SV2C: variants seen among roughly 807,000 people sequenced by gnomAD.
The protein encoded by SV2C is synaptic vesicle glycoprotein 2C.
A neutral mutation model predicts 79.7 loss-of-function variants in SV2C; 49 were observed. The observed-to-expected ratio is 0.61, with a 90% confidence interval of 0.49 to 0.78. The LOEUF (loss-of-function observed/expected upper bound fraction) is 0.78. SV2C is among the 30% of genes least tolerant of loss of function. SV2C has a pLI of 0.00. For synonymous variants in SV2C, 334 were observed against 333.2 expected (o/e 1.00, Z -0.03); for missense variants, 833 against 912.9 (o/e 0.91, Z 1.13).
At chr5:76,187,106 G>A (rs567871906) in intron 2 of SV2C, among the ~76,000 whole-genome samples, 9 of 152,258 alleles carry the variant, frequency 5.9e-5, no homozygotes, top group African/African-American at 1.9e-4. Flanking sequence ...AAGGTGATTC[G>A]CTTTAATGTT....
At chr5:76,212,700 G>A (rs181457042) in intron 4 of SV2C, among the ~76,000 whole-genome samples, 5 of 151,950 alleles carry the variant, frequency 3.3e-5, no homozygotes, top group Non-Finnish European at 7.4e-5. Context: ...TGCAGCCTAC[G>A]TGTGTCCGTG....
the SV2C span, among the ~76,000 whole-genome samples, chr5:75,872,931 AAAAG>A: frequency 2.0e-5 from 3 of 152,032 alleles, no homozygotes; most frequent in African/African-American, 4.8e-5. Flanking sequence ...TAAAAAAAGA[AAAAG>A]AAAAATAATA....
chr5:76,301,324 A>G, intron 11 of SV2C, 62 bp from the exon 12 acceptor site: 2 of 1,593,148 alleles, frequency 1.3e-6, no homozygotes, highest in Non-Finnish European at 1.7e-6. Context: ...CAAGGACCCA[A>G]GGGTTCTTGC....
At chr5:75,947,932 C>T in the SV2C span, among the ~76,000 whole-genome samples, 1 of 151,804 alleles carries the variant, frequency 6.6e-6, no homozygotes, top group African/African-American at 2.4e-5. Context: ...TTATTCTACT[C>T]CATAAAACAT....
At chr5:75,914,244 C>T in the SV2C span, among the ~76,000 whole-genome samples, 14 of 152,322 alleles carry the variant, frequency 9.2e-5, no homozygotes, top group South Asian at 2.1e-4. Flanking sequence ...GCCTTCCCCA[C>T]ACCTCATTCA....
intron 1 of SV2C, among the ~76,000 whole-genome samples, chr5:76,118,464 C>A (rs1490949438): frequency 1.3e-5 from 2 of 152,056 alleles, no homozygotes; most frequent in African/African-American, 4.8e-5. Flanking sequence ...AACCTCAATA[C>A]AAAAATGGGA....
chr5:75,858,769 A>G, the SV2C span, among the ~76,000 whole-genome samples: 1 of 152,260 alleles, frequency 6.6e-6, no homozygotes, highest in East Asian at 1.9e-4. Context: ...TTATGGCTTC[A>G]ATCTTGTTGC....
chr5:75,967,750 G>A, the SV2C span, among the ~76,000 whole-genome samples: 15 of 152,248 alleles, frequency 9.9e-5, no homozygotes, highest in Admixed American at 9.8e-4. Context: ...TGGGGGCAGG[G>A]CACAGACAAA....
At chr5:76,022,958 C>T in the SV2C span, among the ~76,000 whole-genome samples, 2 of 152,168 alleles carry the variant, frequency 1.3e-5, no homozygotes, top group South Asian at 2.1e-4. Context: ...GCCCAAGCCA[C>T]CTGTCCCAAT....
chr5:76,340,566 T>G (rs1297155897), intron 12 of SV2C, among the ~76,000 whole-genome samples: 1 of 152,146 alleles, frequency 6.6e-6, no homozygotes, highest in Non-Finnish European at 1.5e-5. Flanking sequence ...CAGAAGGGAC[T>G]GCAAGGCACA....
the SV2C span, among the ~76,000 whole-genome samples, chr5:75,915,832 T>C: frequency 2.6e-5 from 4 of 152,130 alleles, no homozygotes; most frequent in African/African-American, 7.2e-5. Context: ...GCTTAGAGCT[T>C]GATGTGGGCC....
At chr5:76,313,287 A>G (rs1748517853) in intron 12 of SV2C, among the ~76,000 whole-genome samples, 1 of 151,990 alleles carries the variant, frequency 6.6e-6, no homozygotes, top group South Asian at 2.1e-4. Context: ...CGACTAACCA[A>G]CCTATGTAAT....
chr5:76,257,942 G>A (rs1429290011), intron 4 of SV2C, among the ~76,000 whole-genome samples: 2 of 150,156 alleles, frequency 1.3e-5, no homozygotes, highest in Non-Finnish European at 3.0e-5. Context: ...TGTGTGTGGT[G>A]TATGTGTAGT....
At chr5:76,150,280 T>C (rs1288592698) in intron 2 of SV2C, among the ~76,000 whole-genome samples, 3 of 151,872 alleles carry the variant, frequency 2.0e-5, no homozygotes, top group African/African-American at 4.8e-5. Context: ...CGGGTTCAAG[T>C]GATCCTCCTG....
intron 3 of SV2C, among the ~76,000 whole-genome samples, chr5:76,209,231 C>T (rs1382512452): frequency 6.6e-6 from 1 of 152,142 alleles, no homozygotes; most frequent in Non-Finnish European, 1.5e-5. Flanking sequence ...ACACATTAAC[C>T]TAATTTAGTG....
At chr5:76,082,535 CCTCT>C (rs746360904), upstream of SV2C, 13 of 151,974 alleles carry the variant, frequency 8.6e-5, no homozygotes, top group Non-Finnish European at 1.3e-4. Flanking sequence ...TCTCTTCTCT[CCTCT>C]CTCTTTCTCC....
the SV2C span, among the ~76,000 whole-genome samples, chr5:75,999,375 AAGAGAGAGAGAGAGAGAGAGAGAG>A: frequency 7.4e-6 from 1 of 134,726 alleles, no homozygotes; most frequent in African/African-American, 2.8e-5. Context: ...GGGAGGGAGA[AAGAGAGAGAGAGAGAGAGAGAGAG>A]AGAGAGAGAG....
intron 12 of SV2C, among the ~76,000 whole-genome samples, chr5:76,322,766 C>T (rs187389930): frequency 2.2e-4 from 33 of 152,202 alleles, no homozygotes; most frequent in Non-Finnish European, 4.6e-4. Flanking sequence ...CAACAAACCT[C>T]ACAGAAACAA....
chr5:75,859,640 A>G, the SV2C span, among the ~76,000 whole-genome samples: 1 of 152,102 alleles, frequency 6.6e-6, no homozygotes, highest in Non-Finnish European at 1.5e-5. Context: ...TCATGTCTTT[A>G]TGCCCCTAGA....
Sources: allele counts gnomAD v4.1 joint callset (sites outside exome capture counted in the v4.1 genomes callset), GRCh38; gene constraint gnomAD v4.1.1; transcripts MANE v1.5; gene names NCBI Gene and HGNC (gene_info 2026-07-23, HGNC 2026-07-21).